Variants in TAFA4 observed in about 807,000 individuals in gnomAD.
TAFA4 encodes chemokine-like protein TAFA-4.
A neutral mutation model predicts 21.1 loss-of-function variants in TAFA4; 20 were observed. That is an observed-to-expected ratio of 0.95 (90% confidence interval 0.67 to 1.38). The LOEUF is 1.38. Ranked by LOEUF, TAFA4 falls within the 40% of genes most tolerant of loss-of-function variation. The probability of loss-of-function intolerance (pLI) is 0.00; values close to 1 mark genes in which losing one functional copy is unlikely to be tolerated. For synonymous variants in TAFA4, 71 were observed against 67.4 expected (o/e 1.05, Z -0.26); for missense variants, 211 against 180.9 (o/e 1.17, Z -0.95).
intron 3 of TAFA4, among the ~76,000 whole-genome samples, chr3:68,830,094 C>G (rs989008058): frequency 2.6e-5 from 4 of 152,040 alleles, no homozygotes; most frequent in African/African-American, 7.2e-5. Flanking sequence ...CTTTATTAGT[C>G]TTGCTAACGG....
At chr3:68,815,828 G>C (rs1471168450) in intron 3 of TAFA4, among the ~76,000 whole-genome samples, 1 of 152,126 alleles carries the variant, frequency 6.6e-6, no homozygotes, top group African/African-American at 2.4e-5. Context: ...ATACCCAAAG[G>C]ACTATAAAAT....
At chr3:68,863,412 A>G (rs2089376498) in intron 3 of TAFA4, among the ~76,000 whole-genome samples, 1 of 152,152 alleles carries the variant, frequency 6.6e-6, no homozygotes. Context: ...TGCCATCAAC[A>G]CATGCTTGGA....
chr3:68,841,323 A>AG (rs1704659004), intron 3 of TAFA4, among the ~76,000 whole-genome samples: 1 of 66,630 alleles, frequency 1.5e-5, no homozygotes, highest in African/African-American at 4.9e-5. Flanking sequence ...ACTCCGTCTC[A>AG]AAAAAAAAAA....
rs148129957 is a variant in TAFA4, at chr3:68,765,856, C to T, written c.131-12838G>A. Among the ~76,000 whole-genome samples the T allele has an allele frequency of 1.2e-3, 187 of 152,120 alleles. 2 individuals carry two copies. Among genetic ancestry groups the T allele is most frequent in the African/African-American group, 4.1e-3 (172 of 41,516 alleles). ...ACCGAGGGGAAGAGATTCAGTATCC[C>T]CTCACTTTAAAGGACCTCAATAGGT... On this transcript the variant is annotated intron_variant, in intron 3 of 5. Transcript: ENST00000295569.
At chr3:68,877,232 G>A (rs920369408) in intron 3 of TAFA4, among the ~76,000 whole-genome samples, 2 of 152,078 alleles carry the variant, frequency 1.3e-5, no homozygotes, top group African/African-American at 4.8e-5. Context: ...TGTGGTAGGC[G>A]CCTATAACCC....
Position 68,775,012 on chromosome 3 carries a change from C to T in TAFA4, c.131-21994G>A, listed in dbSNP as rs149216038. Among the ~76,000 whole-genome samples, 110 of 152,114 alleles carry T rather than the reference C, an allele frequency of 7.2e-4. 1 individual carries two copies. In the East Asian group the frequency reaches 0.017, roughly 24 times the overall value. ...TACAAAATCTTAACTATCTTTAGAC[C>T]CTCAGAAAGTAACAAAGAATGAGTG... On this transcript the variant is annotated intron_variant, in intron 3 of 5. Transcript: ENST00000295569.
chr3:68,903,789 C>A (rs1157195310), intron 1 of TAFA4, among the ~76,000 whole-genome samples: 1 of 152,122 alleles, frequency 6.6e-6, no homozygotes, highest in Admixed American at 6.5e-5. Flanking sequence ...GAGACAGGAT[C>A]CACTGGCTTC....
intron 1 of TAFA4, among the ~76,000 whole-genome samples, chr3:68,930,442 G>A (rs1384303065): frequency 1.3e-5 from 2 of 152,168 alleles, no homozygotes; most frequent in African/African-American, 2.4e-5. Flanking sequence ...GTCAAATTGT[G>A]ACTTGAAGCC....
At chr3:68,867,734 TTTC>T (rs2089436312) in intron 3 of TAFA4, among the ~76,000 whole-genome samples, 1 of 152,112 alleles carries the variant, frequency 6.6e-6, no homozygotes, top group South Asian at 2.1e-4. Flanking sequence ...CATTTGTTTG[TTTC>T]TTTTCTTTGT....
chr3:68,795,897 T>C (rs113489998), intron 3 of TAFA4, among the ~76,000 whole-genome samples: 1 of 152,218 alleles, frequency 6.6e-6, no homozygotes, highest in African/African-American at 2.4e-5. Context: ...TGTTGTGATC[T>C]AAGCCATATC....
At position 68,800,929 on chromosome 3, in the gene TAFA4, A is replaced by G. The variant is rs141332535; in HGVS notation, c.131-47911T>C. On this transcript the variant is annotated intron_variant, in intron 3 of 5. Coordinates refer to ENST00000295569, the MANE Select transcript of TAFA4 (RefSeq NM_182522.5). ...ATGATGGGACATCAGCTTTGTCACCAAAGCTGTGGGCAAGAGGCAGGAATT... is the reference window on the plus strand; with the variant it reads ...ATGATGGGACATCAGCTTTGTCACCGAAGCTGTGGGCAAGAGGCAGGAATT... 6.9e-3 allele frequency among the ~76,000 whole-genome samples: 1,051 copies of G among 152,326 alleles called. 13 individuals are homozygous for G. The highest frequency in any genetic ancestry group is 0.023 in the African/African-American group (977 of 41,586).
At chr3:68,768,875 T>C (rs1702903093) in intron 3 of TAFA4, among the ~76,000 whole-genome samples, 1 of 152,184 alleles carries the variant, frequency 6.6e-6, no homozygotes, top group African/African-American at 2.4e-5. Context: ...GACTCATATG[T>C]GCAATCTAAC....
chr3:68,816,504 C>T (rs1393553364), intron 3 of TAFA4, among the ~76,000 whole-genome samples: 1 of 151,950 alleles, frequency 6.6e-6, no homozygotes, highest in African/African-American at 2.4e-5. Flanking sequence ...GATTTCTTTT[C>T]CGATGTGTTG....
chr3:68,864,801 A>C (rs753707420), intron 3 of TAFA4, among the ~76,000 whole-genome samples: 3 of 152,186 alleles, frequency 2.0e-5, no homozygotes, highest in Non-Finnish European at 2.9e-5. Context: ...TAGTTAAAAA[A>C]AGAACCCATA....
chr3:68,814,362 A>G (rs997965124), intron 3 of TAFA4, among the ~76,000 whole-genome samples: 1 of 152,188 alleles, frequency 6.6e-6, no homozygotes, highest in Non-Finnish European at 1.5e-5. Flanking sequence ...AATTAGGAAA[A>G]GAGGAAGTCA....
chr3:68,759,600 G>A (rs897982494), intron 3 of TAFA4, among the ~76,000 whole-genome samples: 44 of 152,140 alleles, frequency 2.9e-4, no homozygotes, highest in African/African-American at 8.5e-4. Context: ...AACAGCAGGG[G>A]AACATAATGG....
chr3:68,771,942 G>A (rs1702965564), intron 3 of TAFA4, among the ~76,000 whole-genome samples: 4 of 152,112 alleles, frequency 2.6e-5, no homozygotes, highest in African/African-American at 9.7e-5. Flanking sequence ...AAATCCAAAT[G>A]CTTGGTAAGA....
intron 3 of TAFA4, among the ~76,000 whole-genome samples, chr3:68,871,095 T>A (rs1408740816): frequency 6.6e-6 from 1 of 152,164 alleles, no homozygotes; most frequent in Admixed American, 6.6e-5. Flanking sequence ...GGAATGCTTT[T>A]ACACTGTTGG....
At chr3:68,822,973 T>C (rs1041521736) in intron 3 of TAFA4, among the ~76,000 whole-genome samples, 1 of 152,182 alleles carries the variant, frequency 6.6e-6, no homozygotes, top group Admixed American at 6.5e-5. Context: ...GGCTTTGGCA[T>C]TTCCCAAATG....
Sources: gnomAD v4.1 joint callset for allele counts (sites outside exome capture counted in the v4.1 genomes callset) on GRCh38, gnomAD v4.1.1 for gene constraint, MANE v1.5 for transcripts, NCBI Gene and HGNC (gene_info 2026-07-23, HGNC 2026-07-21) for gene names.